The following HUWE1 variants were observed in gnomAD, a reference collection of about 807,000 sequenced individuals.
HUWE1 encodes the protein HECT, UBA and WWE domain containing E3 ubiquitin protein ligase 1, also known as E3 ubiquitin-protein ligase HUWE1.
Under a neutral mutation model 299.4 loss-of-function variants are expected in HUWE1, and 18 were observed. That is an observed-to-expected ratio of 0.06 (90% CI 0.04 to 0.09). HUWE1 has a LOEUF of 0.09. Ranked by LOEUF, HUWE1 falls within the 10% of genes least tolerant of loss-of-function variation. The pLI, the probability that HUWE1 is intolerant of heterozygous loss-of-function variation, is 1.00. For synonymous variants in HUWE1, 1,317 were observed against 1,286.1 expected, an observed-to-expected ratio of 1.02 and a Z score of -0.51; for missense variants, 1,832 against 3,462.3, an observed-to-expected ratio of 0.53 and a Z score of 11.82.
In HUWE1 at chrX:53,622,418, G is replaced by T. The variant is rs1248873635; in HGVS notation, c.1672+2177C>A. 4.5e-5 allele frequency among the ~76,000 whole-genome samples: 5 copies of T among 111,922 alleles called. No homozygotes were observed. In the East Asian group the frequency reaches 1.4e-3, roughly 31 times the overall value. ...GCCCAGGGCACCTCAAATTCAACTA[G>T]AAAGTCTAGCTGTTTTATCAAGTCT... On this transcript the variant is annotated intron_variant, in intron 19 of 83. Coordinates refer to ENST00000262854, the MANE Select transcript of HUWE1 (RefSeq NM_031407.7).
intron 65 of HUWE1, 36 bp from the exon 66 acceptor site, chrX:53,550,804 G>C: frequency 8.3e-7 from 1 of 1,198,483 alleles, no homozygotes; most frequent in African/African-American, 1.7e-5. Context: ...AGATTGTGGA[G>C]AGGGTGTAAA....
chrX:53,586,691 T>C, intron 38 of HUWE1, 91 bp downstream of exon 38: 1 of 1,111,171 alleles, frequency 9.0e-7, no homozygotes, highest in Non-Finnish European at 1.2e-6. Context: ...TACCACAAAT[T>C]TGCCCCATAC....
At chrX:53,607,745 A>C (rs371526477) in intron 24 of HUWE1, 46 bp from the exon 25 acceptor site, 1 of 890,467 alleles carries the variant, frequency 1.1e-6, no homozygotes, top group Non-Finnish European at 1.6e-6. Context: ...TGACAGGTGG[A>C]ACTAAATGGC....
At chrX:53,685,297 C>T (rs1194939374) in intron 2 of HUWE1, among the ~76,000 whole-genome samples, 1 of 111,707 alleles carries the variant, frequency 9.0e-6, no homozygotes, top group Non-Finnish European at 1.9e-5. Flanking sequence ...ATTGAAATTG[C>T]ATCAACTGTA....
intron 33 of HUWE1, among the ~76,000 whole-genome samples, chrX:53,592,004 T>C (rs1227232485): frequency 8.9e-6 from 1 of 112,219 alleles, no homozygotes; most frequent in African/African-American, 3.2e-5. Context: ...ATGCCCCTTA[T>C]ACATTTTATT....
chrX:53,535,993 G>C (rs1438023616), intron 80 of HUWE1, 154 bp downstream of exon 80: 1 of 279,507 alleles, frequency 3.6e-6, no homozygotes. Context: ...TTTCCTGTTT[G>C]TGATGTCACT....
In HUWE1 at chrX:53,593,626, A is replaced by G. The variant is rs781790621; in HGVS notation, c.3504-25T>C. 1.2e-5 allele frequency: 13 copies of G among 1,115,182 alleles called. No homozygotes were observed. The Admixed American group carries it at 1.5e-4, about 13-fold the overall frequency. 91.9% of individuals were successfully genotyped at this position (1,115,182 alleles called of 1,213,427 possible). On this transcript the variant is annotated intron_variant, in intron 31 of 83. Coordinates refer to ENST00000262854, the MANE Select transcript of HUWE1 (RefSeq NM_031407.7). ...TCTAAATTCAAATAAGGAAAAGTAG[A>G]CAGAATATTAGTATTTTACCCTGGC...
rs781933178 is a variant in HUWE1 at position 53,651,983 on chromosome X, C to CA, written c.45+2079dup. Among the ~76,000 whole-genome samples the CA allele has an allele frequency of 7.2e-5, 8 of 111,551 alleles. No individual in the cohort carries two copies. The South Asian group carries it at 3.0e-3, about 41-fold the overall frequency. On this transcript the variant is annotated intron_variant, in intron 4 of 83. Coordinates refer to ENST00000262854, the MANE Select transcript of HUWE1 (RefSeq NM_031407.7). ...ATAAGGAACTCCTGCAACTCAATAGCAAAAAAATCCCAAATAACACAATTT... is the reference window on the plus strand; with the variant it reads ...ATAAGGAACTCCTGCAACTCAATAGCAAAAAAAATCCCAAATAACACAATTT...
intron 17 of HUWE1, among the ~76,000 whole-genome samples, chrX:53,626,442 G>A (rs782484728): frequency 1.8e-5 from 2 of 111,169 alleles, no homozygotes; most frequent in South Asian, 3.8e-4. Context: ...TCAATATTCC[G>A]ATCTGGAAGA....
rs2061674109 is a variant in HUWE1, at chrX:53,549,513, C to T, written c.9489-8G>A. ...ACATTACTGCCAGAAGGCCTGGAAA[C>T]AGAACATGGTTTTTGGGTAACACTT... On this transcript the variant is annotated splice_polypyrimidine_tract_variant and splice_region_variant and intron_variant, in intron 66 of 83. Coordinates refer to ENST00000262854, the MANE Select transcript of HUWE1 (RefSeq NM_031407.7). 1 of 1,198,110 alleles carries T rather than the reference C, an allele frequency of 8.3e-7. No homozygotes were observed. The highest frequency in any genetic ancestry group is 1.7e-5 in the African/African-American group (1 of 57,597).
intron 9 of HUWE1, chrX:53,632,178 C>A (rs1167687531): frequency 5.9e-6 from 2 of 341,398 alleles, no homozygotes; most frequent in African/African-American, 2.6e-5. Context: ...AAACCTGAGC[C>A]ATCACCATCC....
At chrX:53,595,903 T>C (rs1260986872) in intron 29 of HUWE1, among the ~76,000 whole-genome samples, 1 of 111,984 alleles carries the variant, frequency 8.9e-6, no homozygotes, top group Non-Finnish European at 1.9e-5. Flanking sequence ...GGGCAGATTA[T>C]GGACATCTCA....
Position 53,554,744 on chromosome X carries a change from C to T in HUWE1, c.8383G>A (p.Gly2795Ser). The change falls in exon 61 of 84, where the codon GGC becomes AGC. Residue 2795 changes from glycine (G) to serine (S), a missense_variant. By Grantham distance (56) the Gly-to-Ser change is moderately conservative. Transcript: ENST00000262854. ...QELQSPAGEG[G>S]SSTQLLMPVE... ...GGCATCAATAGCTGTGTAGAGCTGC[C>T]CCCTTCTCCAGCTGGAGACTGCAGC... The T allele has an allele frequency of 8.3e-7, 1 of 1,209,048 alleles. No individual in the cohort carries two copies. Among genetic ancestry groups the T allele is most frequent in the Non-Finnish European group, 1.1e-6 (1 of 894,282 alleles).
chrX:53,677,372 A>G (rs1330247792), intron 3 of HUWE1, among the ~76,000 whole-genome samples: 15 of 110,453 alleles, frequency 1.4e-4, no homozygotes, highest in Admixed American at 1.3e-3. Flanking sequence ...TCAGAACTCT[A>G]TAAGGCAGGC....
intron 52 of HUWE1, 45 bp downstream of exon 52, chrX:53,563,701 G>A (rs1556943205): frequency 8.4e-7 from 1 of 1,186,220 alleles, no homozygotes. Flanking sequence ...TCCCAAGAGA[G>A]ACTGAGGCAA....
At chrX:53,598,649 G>C (rs933781244) in intron 29 of HUWE1, among the ~76,000 whole-genome samples, 2 of 111,935 alleles carry the variant, frequency 1.8e-5, no homozygotes, top group East Asian at 2.8e-4. Flanking sequence ...TGTGTCCATC[G>C]ACTGTTTATG....
chrX:53,607,744 G>C, intron 24 of HUWE1, 45 bp from the exon 25 acceptor site: 2 of 886,343 alleles, frequency 2.3e-6, no homozygotes, highest in Non-Finnish European at 3.3e-6. Context: ...CTGACAGGTG[G>C]AACTAAATGG....
Position 53,611,467 on chromosome X carries a change from T to C in HUWE1, c.2262-2558A>G, listed in dbSNP as rs934608693. Among the ~76,000 whole-genome samples the C allele has an allele frequency of 1.8e-5, 2 of 111,957 alleles. 1 individual carries two copies. The highest frequency in any genetic ancestry group is 3.8e-5 in the Non-Finnish European group (2 of 53,222). On this transcript the variant is annotated intron_variant, in intron 23 of 83. Transcript: ENST00000262854. ...CATTTTATTTAAACATATTCTGGAA[T>C]AGACATAATAATATGATGACAGAAG...
At chrX:53,589,277 G>T (rs1489700810) in intron 36 of HUWE1, among the ~76,000 whole-genome samples, 13 of 111,804 alleles carry the variant, frequency 1.2e-4, no homozygotes, top group Non-Finnish European at 1.1e-4. Context: ...TTAGTCCAGG[G>T]GACGAACCTG....
Sources: gnomAD v4.1 joint callset for allele counts (sites outside exome capture counted in the v4.1 genomes callset) on GRCh38, gnomAD v4.1.1 for gene constraint, MANE v1.5 for transcripts, NCBI Gene and HGNC (gene_info 2026-07-23, HGNC 2026-07-21) for gene names.